ITPR1: variants seen among roughly 807,000 people sequenced by gnomAD.
The protein encoded by ITPR1 is inositol 1,4,5-trisphosphate receptor type 1, also known as inositol 1,4,5-trisphosphate-gated calcium channel ITPR1.
ITPR1 carries 96 observed loss-of-function variants against 318.4 expected under a neutral mutation model. The ratio of observed to expected loss-of-function variants is 0.30; its 90% CI spans 0.26 to 0.36. ITPR1 has a LOEUF of 0.36. ITPR1 is among the 10% of genes least tolerant of loss of function. ITPR1 has a pLI of 1.00. For synonymous variants in ITPR1, 1,312 were observed against 1,289.9 expected, an observed-to-expected ratio of 1.02 and a Z score of -0.37; for missense variants, 2,440 against 3,460.2, an observed-to-expected ratio of 0.71 and a Z score of 7.40.
intron 22 of ITPR1, 115 bp downstream of exon 22, chr3:4,674,458 T>C: frequency 1.2e-6 from 1 of 841,036 alleles, no homozygotes; most frequent in Non-Finnish European, 1.8e-6. Flanking sequence ...TGCTCTGGTT[T>C]TGTAATGGAA....
chr3:4,815,033 C>A lies in ITPR1; in HGVS notation c.7702-20C>A, dbSNP rs1183105821. The A allele has an allele frequency of 6.3e-7, 1 of 1,597,238 alleles. No homozygotes were observed. Among genetic ancestry groups the A allele is most frequent in the South Asian group, 1.1e-5 (1 of 88,146 alleles). Reference sequence around the variant, plus strand: ...GGGTCGCAAGGGACCCAGACTGATCCAGACACCTCTCTTTTCCAGGAACCC... The same window carrying A: ...GGGTCGCAAGGGACCCAGACTGATCAAGACACCTCTCTTTTCCAGGAACCC... On this transcript the variant is annotated intron_variant, in intron 58 of 61. Coordinates refer to ENST00000649015, the MANE Select transcript of ITPR1 (RefSeq NM_001378452.1).
chr3:4,666,227 A>G (rs930130876), intron 17 of ITPR1, among the ~76,000 whole-genome samples: 2 of 152,172 alleles, frequency 1.3e-5, no homozygotes, highest in East Asian at 1.9e-4. Flanking sequence ...GACTGCCACT[A>G]TACTGGACTT....
At chr3:4,744,846 G>A (rs929623785) in intron 44 of ITPR1, among the ~76,000 whole-genome samples, 1 of 152,014 alleles carries the variant, frequency 6.6e-6, no homozygotes, top group Non-Finnish European at 1.5e-5. Flanking sequence ...GGGAATTCAG[G>A]GAAACAGGCT....
At chr3:4,829,056 T>G (rs1260576100) in intron 60 of ITPR1, among the ~76,000 whole-genome samples, 3 of 152,226 alleles carry the variant, frequency 2.0e-5, no homozygotes, top group Non-Finnish European at 2.9e-5. Flanking sequence ...GACATACTGA[T>G]TTATAATACT....
At chr3:4,658,666 A>C (rs1350640226) in intron 13 of ITPR1, among the ~76,000 whole-genome samples, 4 of 151,900 alleles carry the variant, frequency 2.6e-5, no homozygotes, top group Non-Finnish European at 5.9e-5. Flanking sequence ...AAATTCTACA[A>C]GATAAAATAC....
chr3:4,793,816 G>T (rs537409455), intron 52 of ITPR1, among the ~76,000 whole-genome samples: 1 of 152,146 alleles, frequency 6.6e-6, no homozygotes, highest in South Asian at 2.1e-4. Context: ...ATTGCTCATG[G>T]CTCTAAAACT....
chr3:4,750,452 C>A (rs1041473684), intron 44 of ITPR1: 1 of 152,054 alleles, frequency 6.6e-6, no homozygotes, highest in African/African-American at 2.4e-5. Context: ...GCACAGGAAT[C>A]AACAAAGAGA....
At chr3:4,823,417 C>A (rs1299280865) in intron 60 of ITPR1, among the ~76,000 whole-genome samples, 2 of 152,028 alleles carry the variant, frequency 1.3e-5, no homozygotes, top group Non-Finnish European at 2.9e-5. Flanking sequence ...TGCCCATCAA[C>A]AAATGAATGG....
chr3:4,551,601 C>T (rs560282166), intron 4 of ITPR1, among the ~76,000 whole-genome samples: 1 of 152,338 alleles, frequency 6.6e-6, no homozygotes, highest in South Asian at 2.1e-4. Context: ...ACAGAGCTCA[C>T]CCCTGGCCTT....
At chr3:4,684,219 T>TAA in intron 28 of ITPR1, 62 bp from the exon 29 acceptor site, 1 of 1,106,554 alleles carries the variant, frequency 9.0e-7, no homozygotes, top group Non-Finnish European at 1.4e-6. Flanking sequence ...ATGCTAACTG[T>TAA]AAAAAACTGA....
At chr3:4,817,360 A>T (rs750962222) in intron 59 of ITPR1, 8 of 152,226 alleles carry the variant, frequency 5.3e-5, no homozygotes, top group Non-Finnish European at 1.0e-4. Flanking sequence ...ATATGTGTGT[A>T]TGTGTACACA....
intron 35 of ITPR1, among the ~76,000 whole-genome samples, chr3:4,701,792 C>T (rs2125264367): frequency 6.6e-6 from 1 of 152,322 alleles, no homozygotes; most frequent in Middle Eastern, 3.4e-3. Context: ...ATGTCTCACA[C>T]ATAGCATGCC....
intron 50 of ITPR1, 51 bp from the exon 51 acceptor site, chr3:4,783,765 T>G (rs1336003198): frequency 7.4e-7 from 1 of 1,343,726 alleles, no homozygotes; most frequent in African/African-American, 1.4e-5. Context: ...GTTTCTGTGT[T>G]CCTGTTGTGA....
At chr3:4,604,986 G>T (rs1167598291) in intron 4 of ITPR1, among the ~76,000 whole-genome samples, 2 of 151,532 alleles carry the variant, frequency 1.3e-5, no homozygotes, top group African/African-American at 4.8e-5. Flanking sequence ...TTTTTTGGGT[G>T]GGGGGGATGG....
chr3:4,762,425 A>G (rs1453317525), intron 44 of ITPR1, among the ~76,000 whole-genome samples: 1 of 152,218 alleles, frequency 6.6e-6, no homozygotes, highest in African/African-American at 2.4e-5. Flanking sequence ...TCACTTTCTA[A>G]GGTGACACTC....
rs184029230 is a variant in ITPR1 at position 4,591,209 on chromosome 3, G to A, written c.164-36554G>A. Among the ~76,000 whole-genome samples the A allele has an allele frequency of 1.4e-3, 210 of 152,238 alleles. 2 individuals are homozygous for A. The South Asian group carries it at 0.043, about 31-fold the overall frequency. ...ACATAATTGTGCATGTGTATTTATG[G>A]TAGAATACTTTATATTCCTCTGGGT... On this transcript the variant is annotated intron_variant, in intron 4 of 61. Coordinates refer to ENST00000649015, the MANE Select transcript of ITPR1 (RefSeq NM_001378452.1).
intron 59 of ITPR1, among the ~76,000 whole-genome samples, chr3:4,817,718 C>G (rs1032658200): frequency 6.6e-6 from 1 of 152,254 alleles, no homozygotes; most frequent in African/African-American, 2.4e-5. Context: ...GAAGGGACTT[C>G]ACATTCCCTG....
chr3:4,836,735 C>CTTTTTTT (rs201029025), intron 60 of ITPR1, 39 bp from the exon 61 acceptor site: 13 of 1,070,432 alleles, frequency 1.2e-5, no homozygotes, highest in African/African-American at 4.7e-5. Flanking sequence ...GTGACTCAGT[C>CTTTTTTT]TTTTTTTTTT....
intron 16 of ITPR1, among the ~76,000 whole-genome samples, chr3:4,664,745 T>C (rs1161125715): frequency 6.6e-6 from 1 of 152,238 alleles, no homozygotes; most frequent in East Asian, 1.9e-4. Flanking sequence ...ATTTTCATCC[T>C]TACTACACCT....
Sources: gnomAD v4.1 joint callset for allele counts (sites outside exome capture counted in the v4.1 genomes callset) on GRCh38, gnomAD v4.1.1 for gene constraint, MANE v1.5 for transcripts, NCBI Gene and HGNC (gene_info 2026-07-23, HGNC 2026-07-21) for gene names.